The following GABRG3 variants were observed in gnomAD, a reference collection of about 807,000 sequenced individuals.
GABRG3 encodes the protein gamma-aminobutyric acid receptor subunit gamma-3.
A neutral mutation model predicts 48.8 loss-of-function variants in GABRG3; 25 were observed. That is an observed-to-expected ratio of 0.51 (90% CI 0.37 to 0.72). GABRG3 has a LOEUF of 0.72. Ranked by LOEUF, GABRG3 falls within the 30% of genes least tolerant of loss-of-function variation. The probability of loss-of-function intolerance (pLI) is 0.00; values close to 1 mark genes in which losing one functional copy is unlikely to be tolerated. For missense variants in GABRG3, 394 were observed against 577.9 expected (o/e 0.68, Z 3.26); for synonymous variants, 227 against 217.6 (o/e 1.04, Z -0.38).
intron 2 of GABRG3, among the ~76,000 whole-genome samples, chr15:27,017,793 G>A (rs1421531214): frequency 6.6e-6 from 1 of 152,168 alleles, no homozygotes; most frequent in Non-Finnish European, 1.5e-5. Flanking sequence ...CAGTTGGTCT[G>A]TATCGTGTGG....
intron 5 of GABRG3, among the ~76,000 whole-genome samples, chr15:27,475,740 TTGA>T (rs892508806): frequency 4.6e-5 from 7 of 151,204 alleles, no homozygotes; most frequent in African/African-American, 1.2e-4. Context: ...GATGATGGTA[TTGA>T]TGATCGTGAT....
At chr15:27,064,794 G>T (rs1043897631) in intron 3 of GABRG3, among the ~76,000 whole-genome samples, 9 of 152,166 alleles carry the variant, frequency 5.9e-5, no homozygotes, top group Non-Finnish European at 1.2e-4. Context: ...ACACCATCCC[G>T]TGTGTTAGCA....
intron 6 of GABRG3, among the ~76,000 whole-genome samples, chr15:27,496,153 G>A (rs150697084): frequency 9.9e-5 from 15 of 152,276 alleles, no homozygotes; most frequent in Admixed American, 2.0e-4. Context: ...ATTTGACACC[G>A]TGCCAGGAGC....
intron 5 of GABRG3, among the ~76,000 whole-genome samples, chr15:27,446,058 G>A (rs949170817): frequency 6.6e-6 from 1 of 152,094 alleles, no homozygotes; most frequent in Non-Finnish European, 1.5e-5. Flanking sequence ...TTGCCACTAG[G>A]TTTGGAAATA....
rs1275672097 is a variant in GABRG3 at position 27,536,433 on chromosome 15, T to G, written c.*3552T>G. 6.6e-6 allele frequency: 1 copy of G among 152,206 alleles called. No homozygotes were observed. Among genetic ancestry groups the G allele is most frequent in the African/African-American group, 2.4e-5 (1 of 41,454 alleles). 9.4% of individuals were successfully genotyped at this position (152,206 alleles called of 1,614,324 possible). A position where few individuals can be genotyped will look rare whatever the true frequency, so the allele number is the denominator to read the frequency against. On this transcript the variant is annotated 3_prime_UTR_variant, in exon 10 of 10. Coordinates refer to ENST00000615808, the MANE Select transcript of GABRG3 (RefSeq NM_033223.5). The stretch of plus-strand genomic sequence containing the variant: ...TTTTAAGATTTTCCATTTCCTGCAG[T>G]TAGCTATATTTCATGCCAAGTTTTA...
intron 3 of GABRG3, among the ~76,000 whole-genome samples, chr15:27,325,365 T>A (rs1453411562): frequency 6.6e-6 from 1 of 152,170 alleles, no homozygotes; most frequent in African/African-American, 2.4e-5. Flanking sequence ...GTTGCTGAGA[T>A]GCTACATGTG....
intron 3 of GABRG3, among the ~76,000 whole-genome samples, chr15:27,070,788 AAAGT>A (rs1438974824): frequency 6.6e-6 from 1 of 152,196 alleles, no homozygotes; most frequent in Non-Finnish European, 1.5e-5. Context: ...ATAAATCACT[AAAGT>A]AAGTGTTTCA....
Position 27,538,354 on chromosome 15 carries a change from T to C in GABRG3, c.*5473T>C, listed in dbSNP as rs2150868941. The C allele has an allele frequency of 6.6e-6, 1 of 152,340 alleles. No homozygotes were observed. The highest frequency in any genetic ancestry group is 2.4e-5 in the African/African-American group (1 of 41,590). 9.4% of individuals were successfully genotyped at this position (152,340 alleles called of 1,614,324 possible). A position where few individuals can be genotyped will look rare whatever the true frequency, so the allele number is the denominator to read the frequency against. On this transcript the variant is annotated 3_prime_UTR_variant, in exon 10 of 10. Coordinates refer to ENST00000615808, the MANE Select transcript of GABRG3 (RefSeq NM_033223.5). The stretch of plus-strand genomic sequence containing the variant: ...AACCAAGTGGGCTTTTCAGATTAGG[T>C]TATTCAAGAGCATGAGCTAGAAAAT...
chr15:27,235,581 A>G (rs551193023), intron 3 of GABRG3, among the ~76,000 whole-genome samples: 1 of 152,244 alleles, frequency 6.6e-6, no homozygotes, highest in South Asian at 2.1e-4. Flanking sequence ...AGGAAACATA[A>G]TTTTCTCCTC....
chr15:27,140,071 A>G (rs1898076524), intron 3 of GABRG3, among the ~76,000 whole-genome samples: 1 of 152,228 alleles, frequency 6.6e-6, no homozygotes, highest in Non-Finnish European at 1.5e-5. Context: ...TGCCCTGTGC[A>G]TCACTTTATC....
Position 27,480,802 on chromosome 15 carries a change from A to G in GABRG3, c.712+15A>G. On this transcript the variant is annotated intron_variant, in intron 6 of 9. Transcript: ENST00000615808. ...AACGTCTGCAGGTAGGAATTTACTGAAAGAGGCACAGCTCTCAAAAGCCAG... is the reference window on the plus strand; with the variant it reads ...AACGTCTGCAGGTAGGAATTTACTGGAAGAGGCACAGCTCTCAAAAGCCAG... The G allele has an allele frequency of 6.2e-7, 1 of 1,612,980 alleles. No homozygotes were observed. Among genetic ancestry groups the G allele is most frequent in the Non-Finnish European group, 8.5e-7 (1 of 1,179,504 alleles).
At chr15:27,500,997 G>C (rs1367744821) in intron 6 of GABRG3, among the ~76,000 whole-genome samples, 1 of 138,508 alleles carries the variant, frequency 7.2e-6, no homozygotes, top group East Asian at 2.0e-4. Flanking sequence ...CTGTCCCCAG[G>C]CTGGAGTGCA....
At chr15:27,176,596 C>T (rs562401886) in intron 3 of GABRG3, among the ~76,000 whole-genome samples, 1 of 152,306 alleles carries the variant, frequency 6.6e-6, no homozygotes, top group African/African-American at 2.4e-5. Flanking sequence ...TTAAACATCT[C>T]TAGTGATTGA....
rs552719461 is a variant in GABRG3 at position 27,193,518 on chromosome 15, C to T, written c.271-133291C>T. 1.1e-3 allele frequency among the ~76,000 whole-genome samples: 167 copies of T among 151,536 alleles called. 3 individuals carry two copies. Among genetic ancestry groups the T allele is most frequent in the African/African-American group, 2.7e-3 (110 of 41,410 alleles). ...GAGACTCCGTGGGCGTAGGACCCTC[C>T]GAGCCAGGTGCAGGATATAATCTCC... On this transcript the variant is annotated intron_variant, in intron 3 of 9. Coordinates refer to ENST00000615808, the MANE Select transcript of GABRG3 (RefSeq NM_033223.5).
chr15:27,179,258 G>A lies in GABRG3; in HGVS notation c.271-147551G>A, dbSNP rs1207577192. ...TGCCGTGATTTGCCATTTCAAACAT[G>A]CCCCGCGTGGCAATCCACCTTCCCC... On this transcript the variant is annotated intron_variant, in intron 3 of 9. Coordinates refer to ENST00000615808, the MANE Select transcript of GABRG3 (RefSeq NM_033223.5). The surrounding 1 kb of genome is among the most constrained non-coding windows in gnomAD (Gnocchi z 4.0). Among the ~76,000 whole-genome samples the A allele has an allele frequency of 6.6e-6, 1 of 152,044 alleles. No homozygotes were observed. Among genetic ancestry groups the A allele is most frequent in the Non-Finnish European group, 1.5e-5 (1 of 68,004 alleles).
intron 5 of GABRG3, among the ~76,000 whole-genome samples, chr15:27,469,326 C>A (rs1037967384): frequency 4.6e-5 from 7 of 152,128 alleles, no homozygotes; most frequent in African/African-American, 1.7e-4. Context: ...TCTCTCAAGT[C>A]TCTCTTCTTT....
rs1380160046 is a variant in GABRG3 at position 27,457,283 on chromosome 15, C to T, written c.575-23367C>T. 6.6e-6 allele frequency among the ~76,000 whole-genome samples: 1 copy of T among 152,174 alleles called. No homozygotes were observed. Among genetic ancestry groups the T allele is most frequent in the African/African-American group, 2.4e-5 (1 of 41,448 alleles). On this transcript the variant is annotated intron_variant, in intron 5 of 9. Coordinates refer to ENST00000615808, the MANE Select transcript of GABRG3 (RefSeq NM_033223.5). The surrounding 1 kb of genome is among the most constrained non-coding windows in gnomAD (Gnocchi z 4.4). ...AGAGAAAGGAGGCATTTCCTTTCTA[C>T]TTGCATCTCACAGGAAGGAGGCTTG...
intron 3 of GABRG3, among the ~76,000 whole-genome samples, chr15:27,145,562 ACTCT>A (rs138056787): frequency 0.063 from 9,403 of 149,288 alleles, 459 homozygotes; most frequent in Non-Finnish European, 0.093. Flanking sequence ...GAGACCTATT[ACTCT>A]CTATTTACTC....
chr15:27,085,631 C>T (rs985439398), intron 3 of GABRG3, among the ~76,000 whole-genome samples: 1 of 152,280 alleles, frequency 6.6e-6, no homozygotes, highest in Middle Eastern at 3.4e-3. Context: ...ATCAATTATT[C>T]TAACTTAAAA....
Sources: allele counts gnomAD v4.1 joint callset (sites outside exome capture counted in the v4.1 genomes callset), GRCh38; gene constraint gnomAD v4.1.1; non-coding constraint Gnocchi (gnomAD v3.1); transcripts MANE v1.5; gene names NCBI Gene and HGNC (gene_info 2026-07-23, HGNC 2026-07-21).